ATL3: variants seen among roughly 807,000 people sequenced by gnomAD.
The protein encoded by ATL3 is atlastin-3.
In ATL3, 49 loss-of-function variants were observed where a neutral mutation model predicts 69.5. The observed-to-expected ratio is 0.71, with a 90% CI of 0.56 to 0.89. The LOEUF is 0.89. ATL3 is among the 40% of genes least tolerant of loss of function. The probability of loss-of-function intolerance (pLI) is 0.00; values close to 1 mark genes in which losing one functional copy is unlikely to be tolerated. For missense variants in ATL3, 606 were observed against 645.7 expected, an observed-to-expected ratio of 0.94 and a Z score of 0.67; for synonymous variants, 214 against 224.1, an observed-to-expected ratio of 0.95 and a Z score of 0.40.
At chr11:63,652,348 G>T in intron 4 of ATL3, 123 bp downstream of exon 4, 1 of 661,440 alleles carries the variant, frequency 1.5e-6, no homozygotes. Context: ...TGCATCTACA[G>T]TTTAAAAATA....
intron 8 of ATL3, among the ~76,000 whole-genome samples, 187 bp from the exon 9 acceptor site, chr11:63,636,521 C>T (rs1467249975): frequency 2.0e-5 from 3 of 151,950 alleles, no homozygotes; most frequent in Non-Finnish European, 4.4e-5. Flanking sequence ...GGTGGATTGC[C>T]TAAGGTCAGG....
chr11:63,671,643 C>T (rs1156594720), upstream of ATL3: 2 of 1,403,898 alleles, frequency 1.4e-6, no homozygotes, highest in Non-Finnish European at 1.9e-6. Context: ...TACCTGTTGG[C>T]GGGGCGCTGA....
intron 3 of ATL3, among the ~76,000 whole-genome samples, chr11:63,654,750 G>GCAAT (rs1940189274): frequency 1.6e-5 from 2 of 126,714 alleles, no homozygotes; most frequent in Admixed American, 1.7e-4. Context: ...AGGCTGGAGT[G>GCAAT]CAATGGCGCA....
rs1222572007 is a variant in ATL3 at position 63,658,779 on chromosome 11, C to A, written c.387G>T (p.Glu129Asp). The change falls in exon 3 of 13, where the codon GAG becomes GAT. Residue 129 changes from glutamate (E) to aspartate (D), a missense_variant. Physicochemically the swap from Glu to Asp is conservative, Grantham distance 45. Transcript: ENST00000398868. ...IQIWSEVFTV[E>D]KPGGKKVAVV... ...TCCTTACCTTCTTCCCACCTGGCTT[C>A]TCCACAGTGAAAACTTCACTCCAGA... 1.2e-6 allele frequency: 2 copies of A among 1,604,440 alleles called. No individual in the cohort carries two copies. Among genetic ancestry groups the A allele is most frequent in the Admixed American group, 3.5e-5 (2 of 57,450 alleles).
intron 5 of ATL3, among the ~76,000 whole-genome samples, chr11:63,647,087 C>G (rs1939908226): frequency 6.6e-6 from 1 of 152,198 alleles, no homozygotes. Flanking sequence ...GATCTGCTCC[C>G]TCACTTCTTA....
chr11:63,661,771 C>T (rs1484247754), intron 1 of ATL3, among the ~76,000 whole-genome samples: 2 of 151,956 alleles, frequency 1.3e-5, no homozygotes, highest in Non-Finnish European at 2.9e-5. Flanking sequence ...TGCTTGTAAT[C>T]CCAGCTACTT....
At chr11:63,671,466 G>A (rs1940779766), upstream of ATL3, 1 of 1,475,156 alleles carries the variant, frequency 6.8e-7, no homozygotes, top group East Asian at 2.9e-5. Context: ...GCCAGAAGGT[G>A]GGGCACGCGG....
At position 63,631,121 on chromosome 11, in the gene ATL3, G is replaced by T; in HGVS notation, c.1458C>A (p.Thr486=). Residue 486 remains threonine (T), a synonymous_variant, in exon 12 of 13, where the codon ACC becomes ACA. Coordinates refer to ENST00000398868, the MANE Select transcript of ATL3 (RefSeq NM_015459.5). ...MVGLLLIALL[T]WGYIRYSGQY... is the part of the protein sequence containing the mutation. Reference sequence around the variant, plus strand: ...GACCAGAATACCTGATGTAGCCCCAGGTGAGGAGTGCTATTAACAGTAGTC... The same window carrying T: ...GACCAGAATACCTGATGTAGCCCCATGTGAGGAGTGCTATTAACAGTAGTC... 1 of 1,614,176 alleles carries T rather than the reference G, an allele frequency of 6.2e-7. No individual in the cohort carries two copies. The highest frequency in any genetic ancestry group is 8.5e-7 in the Non-Finnish European group (1 of 1,180,036).
At chr11:63,637,565 A>C (rs1939561968) in intron 8 of ATL3, 1 of 152,236 alleles carries the variant, frequency 6.6e-6, no homozygotes. Context: ...AGCTTCTACA[A>C]GGTTCCCACA....
At chr11:63,671,466 G>T (rs1940779766), upstream of ATL3, 11 of 1,475,156 alleles carry the variant, frequency 7.5e-6, no homozygotes, top group Non-Finnish European at 8.9e-6. Context: ...GCCAGAAGGT[G>T]GGGCACGCGG....
In ATL3 at chr11:63,650,047, T is replaced by G. The variant is rs553995688; in HGVS notation, c.561+1889A>C. On this transcript the variant is annotated intron_variant, in intron 5 of 12. Transcript: ENST00000398868. ...CATATTTCCCCTGTAATTTTTTTTT[T>G]TGGCTGTTTTACAATTTAACTTTCC... 2.3e-4 allele frequency among the ~76,000 whole-genome samples: 35 copies of G among 152,342 alleles called. No homozygotes were observed. In the South Asian group the frequency reaches 6.8e-3, roughly 30 times the overall value.
chr11:63,656,673 G>T (rs1259859468), intron 3 of ATL3, among the ~76,000 whole-genome samples: 1 of 150,152 alleles, frequency 6.7e-6, no homozygotes, highest in Admixed American at 6.7e-5. Flanking sequence ...GGCAGAGGTT[G>T]AAGTGAGCCG....
chr11:63,636,064 G>T, intron 9 of ATL3, 143 bp downstream of exon 9: 1 of 1,005,980 alleles, frequency 9.9e-7, no homozygotes, highest in Non-Finnish European at 1.4e-6. Context: ...ACTCCTGGAA[G>T]GACACCAAGG....
At chr11:63,665,986 T>A (rs1940562207) in intron 1 of ATL3, among the ~76,000 whole-genome samples, 1 of 152,200 alleles carries the variant, frequency 6.6e-6, no homozygotes, top group Non-Finnish European at 1.5e-5. Flanking sequence ...GCTTATATAT[T>A]ACACCTTTTT....
intron 8 of ATL3, among the ~76,000 whole-genome samples, chr11:63,639,623 T>C (rs12364815): frequency 6.6e-6 from 1 of 151,892 alleles, no homozygotes; most frequent in African/African-American, 2.4e-5. Flanking sequence ...GGCATAGTGG[T>C]GCATGCCTGT....
At position 63,659,215 on chromosome 11, in the gene ATL3, C is replaced by G. The variant is rs1221962932; in HGVS notation, c.84G>C (p.Gln28His). 1.2e-6 allele frequency: 2 copies of G among 1,614,118 alleles called. No individual in the cohort carries two copies. Among genetic ancestry groups the G allele is most frequent in the Admixed American group, 1.7e-5 (1 of 60,002 alleles). The change falls in exon 2 of 13, where the codon CAG becomes CAC. Residue 28 changes from glutamine to histidine, a missense_variant. Coordinates refer to ENST00000398868, the MANE Select transcript of ATL3 (RefSeq NM_015459.5). ...AMESSKPGPV[Q>H]VVLVQKDQHS... ...GTTGATCTTTCTGAACCAAAACAACCTGCACTGGACCAGGCTTGCTGCTCT... is the reference window on the plus strand; with the variant it reads ...GTTGATCTTTCTGAACCAAAACAACGTGCACTGGACCAGGCTTGCTGCTCT...
chr11:63,658,671 A>C (rs1296886876), intron 3 of ATL3, 90 bp downstream of exon 3: 9 of 1,353,446 alleles, frequency 6.6e-6, no homozygotes, highest in Non-Finnish European at 6.8e-6. Context: ...TTCTTTGATA[A>C]AAGGTTTTTA....
chr11:63,634,201 AAAG>A (rs1418718602), intron 10 of ATL3, among the ~76,000 whole-genome samples: 10,847 of 148,290 alleles, frequency 0.073, 462 homozygotes, highest in African/African-American at 0.11. Context: ...AAAAAAAAAA[AAAG>A]AAGAAGAAGA....
chr11:63,666,858 C>T (rs780847870), intron 1 of ATL3, among the ~76,000 whole-genome samples: 8 of 152,158 alleles, frequency 5.3e-5, no homozygotes, highest in Non-Finnish European at 8.8e-5. Flanking sequence ...ACAGTTAATG[C>T]TGTATTACAT....
Sources: gnomAD v4.1 joint callset for allele counts (sites outside exome capture counted in the v4.1 genomes callset) on GRCh38, gnomAD v4.1.1 for gene constraint, MANE v1.5 for transcripts, NCBI Gene and HGNC (gene_info 2026-07-23, HGNC 2026-07-21) for gene names.